RASGRF1: variants seen among roughly 807,000 people sequenced by gnomAD.
The protein encoded by RASGRF1 is ras-specific guanine nucleotide-releasing factor 1.
A neutral mutation model predicts 138.7 loss-of-function variants in RASGRF1; 40 were observed. That is an observed-to-expected ratio of 0.29 (90% CI 0.22 to 0.38). The LOEUF is 0.38. RASGRF1 is among the 10% of genes least tolerant of loss of function. RASGRF1 has a pLI of 1.00. For missense variants in RASGRF1, 1,108 were observed against 1,650.4 expected, an observed-to-expected ratio of 0.67 and a Z score of 5.69; for synonymous variants, 614 against 663.2, an observed-to-expected ratio of 0.93 and a Z score of 1.14.
intron 1 of RASGRF1, among the ~76,000 whole-genome samples, chr15:79,066,824 A>G (rs988451292): frequency 4.6e-5 from 7 of 152,184 alleles, no homozygotes; most frequent in African/African-American, 1.7e-4. Context: ...TATGATGCCC[A>G]ACTCTCCATC....
Position 79,090,217 on chromosome 15 carries a change from C to A in RASGRF1, c.276+6G>T. ...CAGGGAGGTCAGGACGCGACGCTCGCCTCACCTGTTTCTCCAGCGGCTCCT... is the reference window on the plus strand; with the variant it reads ...CAGGGAGGTCAGGACGCGACGCTCGACTCACCTGTTTCTCCAGCGGCTCCT... On this transcript the variant is annotated splice_donor_region_variant and intron_variant, in intron 1 of 26. Coordinates refer to ENST00000558480, the MANE Select transcript of RASGRF1 (RefSeq NM_001145648.3). 2 of 1,598,560 alleles carry A rather than the reference C, an allele frequency of 1.3e-6. No homozygotes were observed. The highest frequency in any genetic ancestry group is 1.7e-6 in the Non-Finnish European group (2 of 1,175,572).
chr15:79,086,577 C>A (rs1019825131), intron 1 of RASGRF1, among the ~76,000 whole-genome samples: 3 of 31,954 alleles, frequency 9.4e-5, no homozygotes, highest in Non-Finnish European at 1.5e-4. Context: ...GTTCTAAGAC[C>A]CCCCCCCCCC....
chr15:79,065,751 A>G (rs1567605392), intron 1 of RASGRF1, among the ~76,000 whole-genome samples: 1 of 152,074 alleles, frequency 6.6e-6, no homozygotes, highest in Non-Finnish European at 1.5e-5. Context: ...ATGGTGTGAC[A>G]CTGAGCCAGA....
At chr15:79,056,218 G>A (rs2057509043) in intron 3 of RASGRF1, among the ~76,000 whole-genome samples, 1 of 152,352 alleles carries the variant, frequency 6.6e-6, no homozygotes, top group Admixed American at 6.5e-5. Flanking sequence ...AAGAGGTGGT[G>A]CTTGGGGAAA....
At position 78,979,880 on chromosome 15, in the gene RASGRF1, G is replaced by C. The variant is rs1268592388; in HGVS notation, c.3494+740C>G. On this transcript the variant is annotated intron_variant, in intron 24 of 26. Transcript: ENST00000558480. ...GCAGCCTTATCCTGATGGTTGTCAA[G>C]TGGGGAGGATTTTGCCCCCTAGTGG... 4.6e-5 allele frequency among the ~76,000 whole-genome samples: 7 copies of C among 152,368 alleles called. No individual in the cohort carries two copies. In the South Asian group the frequency reaches 1.4e-3, roughly 32 times the overall value.
intron 26 of RASGRF1, among the ~76,000 whole-genome samples, chr15:78,965,535 C>T (rs1397805258): frequency 6.6e-6 from 1 of 152,116 alleles, no homozygotes; most frequent in African/African-American, 2.4e-5. Context: ...CAAAAACAAC[C>T]CATCCCACAC....
At chr15:79,030,061 G>A (rs911562494) in intron 8 of RASGRF1, among the ~76,000 whole-genome samples, 11 of 152,096 alleles carry the variant, frequency 7.2e-5, no homozygotes, top group African/African-American at 2.2e-4. Context: ...TGGTGGTTTC[G>A]TTACTCTGCA....
At chr15:78,984,076 A>G (rs1025081112) in intron 23 of RASGRF1, among the ~76,000 whole-genome samples, 2 of 152,134 alleles carry the variant, frequency 1.3e-5, no homozygotes, top group Non-Finnish European at 2.9e-5. Context: ...TGCCATTGAC[A>G]TGAGGAGGGT....
Position 78,961,873 on chromosome 15 carries a change from A to C in RASGRF1, c.*271T>G. ...ATGCAAGGGTGCTGTTTCCCCTCTG[A>C]GAAGAGTGAGGAGTCTAGGGAAGAG... On this transcript the variant is annotated 3_prime_UTR_variant, in exon 27 of 27. Transcript: ENST00000558480. 2.8e-6 allele frequency: 1 copy of C among 357,486 alleles called. No individual in the cohort carries two copies. Among genetic ancestry groups the C allele is most frequent in the Non-Finnish European group, 5.2e-6 (1 of 194,170 alleles). 22.1% of individuals were successfully genotyped at this position (357,486 alleles called of 1,614,324 possible).
At chr15:79,005,072 G>T in intron 14 of RASGRF1, 1 of 985,386 alleles carries the variant, frequency 1.0e-6, no homozygotes, top group Non-Finnish European at 1.2e-6. Flanking sequence ...ACTTTTAGGG[G>T]GTAAATCCAT....
chr15:79,029,461 A>G (rs1440332375), intron 8 of RASGRF1, among the ~76,000 whole-genome samples: 1 of 152,106 alleles, frequency 6.6e-6, no homozygotes, highest in Non-Finnish European at 1.5e-5. Flanking sequence ...ACACATTCTA[A>G]GTTCCAGCCC....
chr15:79,051,971 C>T (rs1027185282), intron 3 of RASGRF1, among the ~76,000 whole-genome samples: 1 of 152,168 alleles, frequency 6.6e-6, no homozygotes, highest in South Asian at 2.1e-4. Context: ...CAGGTGCCTC[C>T]TGGAAGTAGA....
chr15:78,992,097 G>A (rs1194782515), intron 20 of RASGRF1, among the ~76,000 whole-genome samples: 2 of 152,256 alleles, frequency 1.3e-5, no homozygotes, highest in Non-Finnish European at 2.9e-5. Context: ...GAGGCTTCCA[G>A]AGGTGAGCCA....
Position 79,020,055 on chromosome 15 carries a change from C to G in RASGRF1, c.1592G>C (p.Ser531Thr). 1 of 1,614,138 alleles carries G rather than the reference C, an allele frequency of 6.2e-7. No individual in the cohort carries two copies. ...TTCACACTCACCTTCCTCCTCCGTG[C>G]TTTCTGGCTCCTCCAATAAAGTGCA... The part of the protein sequence containing the change: ...IDCTLLEEPE[S>T]TEEEAKGSGQ... Residue 531 changes from serine to threonine, a missense_variant, in exon 11 of 27, where the codon AGC becomes ACC. By Grantham distance (58) the Ser-to-Thr change is moderately conservative (BLOSUM62 1). Coordinates refer to ENST00000558480, the MANE Select transcript of RASGRF1 (RefSeq NM_001145648.3).
At position 79,090,546 on chromosome 15, in the gene RASGRF1, C is replaced by T. The variant is rs912145412; in HGVS notation, c.-48G>A. 1 of 1,588,178 alleles carries T rather than the reference C, an allele frequency of 6.3e-7. No individual in the cohort carries two copies. Among genetic ancestry groups the T allele is most frequent in the Non-Finnish European group, 8.6e-7 (1 of 1,168,722 alleles). On this transcript the variant is annotated 5_prime_UTR_variant, in exon 1 of 27. Coordinates refer to ENST00000558480, the MANE Select transcript of RASGRF1 (RefSeq NM_001145648.3). The stretch of plus-strand genomic sequence containing the variant: ...CCCACGCGCTTACATCTTCTCCGCG[C>T]AGCAGCCCCCCGTCCGTGCGCGCTG...
At position 79,032,816 on chromosome 15, in the gene RASGRF1, A is replaced by T. The variant is rs2057160657; in HGVS notation, c.959-500T>A. On this transcript the variant is annotated intron_variant, in intron 6 of 26. Coordinates refer to ENST00000558480, the MANE Select transcript of RASGRF1 (RefSeq NM_001145648.3). This position sits in a 1 kb window ranked among gnomAD's most constrained non-coding sequence, Gnocchi z 4.5. ...GGCTGAGGCTTCTGTTGCAGCTGGA[A>T]GGCTGCCCAGTTCCTCCCTCTGCCT... 6.6e-6 allele frequency among the ~76,000 whole-genome samples: 1 copy of T among 152,162 alleles called. No homozygotes were observed.
At position 79,027,712 on chromosome 15, in the gene RASGRF1, G is replaced by T; in HGVS notation, c.1381+29C>A. On this transcript the variant is annotated intron_variant, in intron 9 of 26. Coordinates refer to ENST00000558480, the MANE Select transcript of RASGRF1 (RefSeq NM_001145648.3). This position sits in a 1 kb window ranked among gnomAD's most constrained non-coding sequence, Gnocchi z 4.8. The stretch of plus-strand genomic sequence containing the variant: ...CGCTGCTGGGGCCCACCTGGTGGGG[G>T]CAGGGGAGACAGGGTGCAGAGGCCA... 2 of 1,605,164 alleles carry T rather than the reference G, an allele frequency of 1.2e-6. No individual in the cohort carries two copies. The highest frequency in any genetic ancestry group is 4.5e-5 in the East Asian group (2 of 44,776).
chr15:78,997,822 G>A lies in RASGRF1; in HGVS notation c.2966+274C>T, dbSNP rs2056428093. 1.1e-5 allele frequency: 5 copies of A among 467,744 alleles called. No homozygotes were observed. In the South Asian group the frequency reaches 1.2e-4, roughly 11 times the overall value. The allele number at this position is 467,744 out of a possible 1,614,324, so 29.0% of individuals were successfully genotyped here. The stretch of plus-strand genomic sequence containing the variant: ...GGCACAGGCTAGACAGGGGTTAGCA[G>A]CTGTGGACACACATGGAGAAGTGTG... On this transcript the variant is annotated intron_variant, in intron 19 of 26. Transcript: ENST00000558480.
chr15:78,968,531 C>T (rs975847988), intron 26 of RASGRF1, among the ~76,000 whole-genome samples: 5 of 152,152 alleles, frequency 3.3e-5, no homozygotes, highest in Admixed American at 2.0e-4. Context: ...GATCCTCCTA[C>T]CTCAGTCTCC....
Sources: gnomAD v4.1 joint callset for allele counts (sites outside exome capture counted in the v4.1 genomes callset) on GRCh38, gnomAD v4.1.1 for gene constraint, Gnocchi (gnomAD v3.1) non-coding constraint, MANE v1.5 for transcripts, NCBI Gene and HGNC (gene_info 2026-07-23, HGNC 2026-07-21) for gene names.